FAM219B: variants seen among roughly 807,000 people sequenced by gnomAD.
The protein encoded by FAM219B is protein FAM219B.
FAM219B carries 18 observed loss-of-function variants against 19.9 expected under a neutral mutation model. The observed-to-expected ratio is 0.91, with a 90% CI of 0.63 to 1.34. The LOEUF (loss-of-function observed/expected upper bound fraction) is 1.34, where lower values mean the gene tolerates loss of function less well. Among genes scored for constraint, FAM219B ranks in the 40% most tolerant of loss-of-function variants. FAM219B has a pLI of 0.00. For synonymous variants in FAM219B, 123 were observed against 117.5 expected (o/e 1.05, Z -0.30); for missense variants, 283 against 270.5 (o/e 1.05, Z -0.32).
chr15:74,898,155 A>G, downstream of FAM219B: 1 of 349,092 alleles, frequency 2.9e-6, no homozygotes, highest in Non-Finnish European at 5.7e-6. Flanking sequence ...GAGGAAAGGG[A>G]AAGGGTAGGC....
intron 2 of FAM219B, chr15:74,905,488 A>G: frequency 2.7e-6 from 1 of 367,500 alleles, no homozygotes; most frequent in Admixed American, 3.7e-5. Flanking sequence ...CAGTGGCGCG[A>G]TCTCGGCTCA....
In FAM219B at chr15:74,906,762, C is replaced by T. The variant is rs1173521979; in HGVS notation, c.39G>A (p.Leu13=). The stretch of plus-strand genomic sequence containing the variant: ...CGCTGGGCCGGGGTCCCGGGGTAGA[C>T]AACCGCAACGCGCGCCCGCTGGGCT... ...TAEPSGRALR[L]STPGPRPSGA... Residue 13 remains leucine, a synonymous_variant, in exon 1 of 5, where the codon TTG becomes TTA. Transcript: ENST00000357635. The T allele has an allele frequency of 7.7e-7, 1 of 1,306,324 alleles. No individual in the cohort carries two copies. The highest frequency in any genetic ancestry group is 1.5e-5 in the African/African-American group (1 of 64,730). 80.9% of individuals were successfully genotyped at this position (1,306,324 alleles called of 1,614,324 possible). A position where few individuals can be genotyped will look rare whatever the true frequency, so the allele number is the denominator to read the frequency against.
rs2064900165 is a variant in FAM219B at position 74,900,304 on chromosome 15, A to C, written c.*2315T>G. On this transcript the variant is annotated 3_prime_UTR_variant, in exon 5 of 5. Transcript: ENST00000357635. The stretch of plus-strand genomic sequence containing the variant: ...TTTCTACAAGGTAACACCCTCCTAC[A>C]TGGGGTCAGCCAGCTCAGAAACCTC... 1.3e-5 allele frequency: 2 copies of C among 152,306 alleles called. No homozygotes were observed. The highest frequency in any genetic ancestry group is 4.8e-5 in the African/African-American group (2 of 41,450). The allele number at this position is 152,306 out of a possible 1,614,324, so 9.4% of individuals were successfully genotyped here. A position where few individuals can be genotyped will look rare whatever the true frequency, so the allele number is the denominator to read the frequency against.
chr15:74,898,977 C>G (rs2064866231), downstream of FAM219B: 2 of 152,320 alleles, frequency 1.3e-5, no homozygotes, highest in South Asian at 2.1e-4. Flanking sequence ...TTGCACTAGA[C>G]TGTACGGCCT....
At chr15:74,906,197 A>ACC (rs2065180465) in intron 2 of FAM219B, 81 bp downstream of exon 2, 1 of 1,493,696 alleles carries the variant, frequency 6.7e-7, no homozygotes, top group Non-Finnish European at 9.1e-7. Flanking sequence ...TCGGCCTTAA[A>ACC]CCAGAGCACC....
Position 74,905,146 on chromosome 15 carries a change from G to C in FAM219B, c.380+8C>G. The C allele has an allele frequency of 6.2e-7, 1 of 1,614,010 alleles. No homozygotes were observed. The highest frequency in any genetic ancestry group is 1.1e-5 in the South Asian group (1 of 91,078). ...TCCCAAGGGGGTATTTCCAAGGGGA[G>C]CACTCACCTGTCAGAGTCGAGGGAC... On this transcript the variant is annotated splice_region_variant and intron_variant, in intron 3 of 4. Coordinates refer to ENST00000357635, the MANE Select transcript of FAM219B (RefSeq NM_020447.5).
downstream of FAM219B, chr15:74,899,644 T>TG (rs1205405581): frequency 6.6e-6 from 1 of 152,252 alleles, no homozygotes; most frequent in Non-Finnish European, 1.5e-5. Flanking sequence ...TTTATTTTTT[T>TG]GAGACGGAGT....
chr15:74,905,144 G>T lies in FAM219B; in HGVS notation c.380+10C>A, dbSNP rs749590408. The T allele has an allele frequency of 6.2e-7, 1 of 1,613,976 alleles. No homozygotes were observed. Among genetic ancestry groups the T allele is most frequent in the Admixed American group, 1.7e-5 (1 of 60,006 alleles). On this transcript the variant is annotated intron_variant, in intron 3 of 4. Coordinates refer to ENST00000357635, the MANE Select transcript of FAM219B (RefSeq NM_020447.5). ...CTTCCCAAGGGGGTATTTCCAAGGG[G>T]AGCACTCACCTGTCAGAGTCGAGGG... is the stretch of plus-strand genomic sequence containing the variant.
Position 74,902,719 on chromosome 15 carries a change from T to C in FAM219B, c.497A>G (p.Asp166Gly). ...DGYHLDEIPDDEDLDLIPPKP... is the reference protein window; with the variant it reads ...DGYHLDEIPDGEDLDLIPPKP... ...AGGGGGGATGAGGTCCAAGTCCTCGTCATCTGGAATCTCATCCAGGTGATA... is the reference window on the plus strand; with the variant it reads ...AGGGGGGATGAGGTCCAAGTCCTCGCCATCTGGAATCTCATCCAGGTGATA... The change falls in exon 5 of 5, where the codon GAC (aspartate) becomes GGC (glycine). Residue 166 changes from aspartate to glycine, a missense_variant. Coordinates refer to ENST00000357635, the MANE Select transcript of FAM219B (RefSeq NM_020447.5). 6.2e-7 allele frequency: 1 copy of C among 1,612,974 alleles called. No individual in the cohort carries two copies. The highest frequency in any genetic ancestry group is 8.5e-7 in the Non-Finnish European group (1 of 1,179,478).
chr15:74,905,386 T>C, intron 2 of FAM219B, 155 bp from the exon 3 acceptor site: 1 of 660,424 alleles, frequency 1.5e-6, no homozygotes. Flanking sequence ...CAGCTCCATG[T>C]ACCTGGCTAC....
At chr15:74,906,039 T>C (rs539491534) in intron 2 of FAM219B, 91 of 507,892 alleles carry the variant, frequency 1.8e-4, no homozygotes, top group African/African-American at 1.7e-3. Flanking sequence ...AGGAGAATGA[T>C]AGTGAATGAG....
chr15:74,900,502 C>A lies in FAM219B; in HGVS notation c.*2117G>T. The A allele has an allele frequency of 6.6e-6, 1 of 152,464 alleles. No homozygotes were observed. Among genetic ancestry groups the A allele is most frequent in the Non-Finnish European group, 1.5e-5 (1 of 68,128 alleles). The allele number at this position is 152,464 out of a possible 1,614,324, so 9.4% of individuals were successfully genotyped here. A position where few individuals can be genotyped will look rare whatever the true frequency, so the allele number is the denominator to read the frequency against. ...GATGTAGGTCTATACTTACCTTCCA[C>A]AGCCACCTCCCAGCACACACTGGGT... On this transcript the variant is annotated 3_prime_UTR_variant, in exon 5 of 5. Coordinates refer to ENST00000357635, the MANE Select transcript of FAM219B (RefSeq NM_020447.5).
chr15:74,905,082 C>G, intron 3 of FAM219B, 72 bp downstream of exon 3: 1 of 1,607,226 alleles, frequency 6.2e-7, no homozygotes, highest in Non-Finnish European at 8.5e-7. Flanking sequence ...AGGGAACAAG[C>G]AAAGGCATCA....
At position 74,905,168 on chromosome 15, in the gene FAM219B, G is replaced by A. The variant is rs1161766089; in HGVS notation, c.366C>T (p.Ser122=). 3 of 1,614,050 alleles carry A rather than the reference G, an allele frequency of 1.9e-6. No individual in the cohort carries two copies. Among genetic ancestry groups the A allele is most frequent in the African/African-American group, 1.3e-5 (1 of 75,016 alleles). ...LSQSPDENLV[S]LDSDSDGELG... The stretch of plus-strand genomic sequence containing the variant: ...GGAGCACTCACCTGTCAGAGTCGAG[G>A]GACACCAGGTTTTCATCTGGACTCT... The change falls in exon 3 of 5, where the codon TCC becomes TCT. Residue 122 remains serine, a synonymous_variant. Transcript: ENST00000357635.
chr15:74,902,542 G>T lies in FAM219B; in HGVS notation c.*77C>A. On this transcript the variant is annotated 3_prime_UTR_variant, in exon 5 of 5. Coordinates refer to ENST00000357635, the MANE Select transcript of FAM219B (RefSeq NM_020447.5). Reference sequence around the variant, plus strand: ...GGGGTCAGTGACTTCAGTGCTCACTGCACTGTGTGAGCTATGAGTGGCCAA... The same window carrying T: ...GGGGTCAGTGACTTCAGTGCTCACTTCACTGTGTGAGCTATGAGTGGCCAA... 1 of 1,444,096 alleles carries T rather than the reference G, an allele frequency of 6.9e-7. No homozygotes were observed. The highest frequency in any genetic ancestry group is 9.3e-7 in the Non-Finnish European group (1 of 1,071,964). 89.5% of individuals were successfully genotyped at this position (1,444,096 alleles called of 1,614,324 possible).
chr15:74,899,485 G>A (rs549067851), downstream of FAM219B: 87 of 152,322 alleles, frequency 5.7e-4, no homozygotes, highest in Admixed American at 9.2e-4. Context: ...ACTTGCAAGA[G>A]CCTATTTCAC....
rs896601030 is a variant in FAM219B at position 74,900,509 on chromosome 15, C to A, written c.*2110G>T. 3 of 152,324 alleles carry A rather than the reference C, an allele frequency of 2.0e-5. No homozygotes were observed. The highest frequency in any genetic ancestry group is 7.2e-5 in the African/African-American group (3 of 41,460). The allele number at this position is 152,324 out of a possible 1,614,324, so 9.4% of individuals were successfully genotyped here. A position where few individuals can be genotyped will look rare whatever the true frequency, so the allele number is the denominator to read the frequency against. On this transcript the variant is annotated 3_prime_UTR_variant, in exon 5 of 5. Transcript: ENST00000357635. Reference sequence around the variant, plus strand: ...GTCTATACTTACCTTCCACAGCCACCTCCCAGCACACACTGGGTCCCTCTA... The same window carrying A: ...GTCTATACTTACCTTCCACAGCCACATCCCAGCACACACTGGGTCCCTCTA...
Position 74,902,792 on chromosome 15 carries a change from A to T in FAM219B, c.430-6T>A. 6.2e-7 allele frequency: 1 copy of T among 1,604,638 alleles called. No individual in the cohort carries two copies. The highest frequency in any genetic ancestry group is 8.5e-7 in the Non-Finnish European group (1 of 1,175,460). Reference sequence around the variant, plus strand: ...CTCACATCCTGGTTCACCTGCTAAGAGAAGGAGAGGAGGGAACTATAGGCC... The same window carrying T: ...CTCACATCCTGGTTCACCTGCTAAGTGAAGGAGAGGAGGGAACTATAGGCC... On this transcript the variant is annotated splice_region_variant and splice_polypyrimidine_tract_variant and intron_variant, in intron 4 of 4. Coordinates refer to ENST00000357635, the MANE Select transcript of FAM219B (RefSeq NM_020447.5).
rs2064910079 is a variant in FAM219B, at chr15:74,900,492, T to C, written c.*2127A>G. 6.6e-6 allele frequency: 1 copy of C among 152,312 alleles called. No homozygotes were observed. The highest frequency in any genetic ancestry group is 2.4e-5 in the African/African-American group (1 of 41,446). 9.4% of individuals were successfully genotyped at this position (152,312 alleles called of 1,614,324 possible). A position where few individuals can be genotyped will look rare whatever the true frequency, so the allele number is the denominator to read the frequency against. Reference sequence around the variant, plus strand: ...CCCCAACAGAGATGTAGGTCTATACTTACCTTCCACAGCCACCTCCCAGCA... The same window carrying C: ...CCCCAACAGAGATGTAGGTCTATACCTACCTTCCACAGCCACCTCCCAGCA... On this transcript the variant is annotated 3_prime_UTR_variant, in exon 5 of 5. Coordinates refer to ENST00000357635, the MANE Select transcript of FAM219B (RefSeq NM_020447.5).
Sources: gnomAD v4.1 joint callset for allele counts on GRCh38, gnomAD v4.1.1 for gene constraint, MANE v1.5 for transcripts, NCBI Gene and HGNC (gene_info 2026-07-23, HGNC 2026-07-21) for gene names.